The following ZNF75A variants were observed in gnomAD, a reference collection of about 807,000 sequenced individuals.
The protein encoded by ZNF75A is zinc finger protein 75A.
ZNF75A carries 36 observed loss-of-function variants against 46.3 expected under a neutral mutation model. The observed-to-expected ratio is 0.78, with a 90% CI of 0.60 to 1.03. The LOEUF is 1.03. Among genes scored for constraint, ZNF75A ranks in the 50% least tolerant of loss-of-function variants. The pLI is 0.00. For missense variants in ZNF75A, 595 were observed against 551.3 expected (o/e 1.08, Z -0.79); for synonymous variants, 234 against 189.9 (o/e 1.23, Z -1.91).
intron 5 of ZNF75A, 51 bp from the exon 6 acceptor site, chr16:3,316,861 C>A: frequency 8.1e-7 from 1 of 1,234,414 alleles, no homozygotes; most frequent in Non-Finnish European, 1.2e-6. Context: ...ATTAGTGGAC[C>A]AGTTCACTGT....
chr16:3,312,387 CATTTT>C (rs2150813289), intron 3 of ZNF75A: 1 of 152,288 alleles, frequency 6.6e-6, no homozygotes, highest in East Asian at 1.9e-4. Flanking sequence ...CTGAGTACTT[CATTTT>C]AAGATATCTT....
At chr16:3,319,946 C>G (rs1426297089), downstream of ZNF75A, among the ~76,000 whole-genome samples, 1 of 152,256 alleles carries the variant, frequency 6.6e-6, no homozygotes, top group South Asian at 2.1e-4. Context: ...CCAAGAGTCT[C>G]CAGACCTATA....
Position 3,308,854 on chromosome 16 carries a change from T to C in ZNF75A, c.408+18T>C. 1.0e-6 allele frequency: 1 copy of C among 985,528 alleles called. No homozygotes were observed. Among genetic ancestry groups the C allele is most frequent in the Non-Finnish European group, 1.2e-6 (1 of 829,762 alleles). 61.0% of individuals were successfully genotyped at this position (985,528 alleles called of 1,614,324 possible). A position where few individuals can be genotyped will look rare whatever the true frequency, so the allele number is the denominator to read the frequency against. On this transcript the variant is annotated intron_variant, in intron 2 of 6. Transcript: ENST00000669516. ...GGAATGGGGTGAGAAGAAAGATTCC[T>C]GACATGTACAGTGAAATAGGATGCA...
At chr16:3,320,655 G>A (rs1484094007), downstream of ZNF75A, among the ~76,000 whole-genome samples, 6 of 152,136 alleles carry the variant, frequency 3.9e-5, no homozygotes, top group African/African-American at 7.2e-5. Context: ...GTCTCCCTGC[G>A]CGTTGCCTCA....
chr16:3,319,782 C>A (rs1190480076), downstream of ZNF75A, among the ~76,000 whole-genome samples: 1 of 117,792 alleles, frequency 8.5e-6, no homozygotes, highest in Non-Finnish European at 1.8e-5. Context: ...TGAAGCTTTT[C>A]ATTTTTTTTT....
At chr16:3,312,521 G>A (rs182052837) in intron 3 of ZNF75A, among the ~76,000 whole-genome samples, 156 bp from the exon 4 acceptor site, 27 of 152,268 alleles carry the variant, frequency 1.8e-4, no homozygotes, top group Admixed American at 1.2e-3. Context: ...GTGGATATTT[G>A]ATTCTTATTT....
rs531717544 is a variant in ZNF75A at position 3,310,186 on chromosome 16, G to A, written c.408+1350G>A. On this transcript the variant is annotated intron_variant, in intron 2 of 6. Transcript: ENST00000669516. ...TGAGGCGGGCGGATCACAAGGTCAG[G>A]AGTTCAAAACCAGCCTGACCAACAT... 5.9e-5 allele frequency among the ~76,000 whole-genome samples: 9 copies of A among 152,184 alleles called. No individual in the cohort carries two copies. In the South Asian group the frequency reaches 1.9e-3, roughly 32 times the overall value.
At position 3,308,457 on chromosome 16, in the gene ZNF75A, C is replaced by T. The variant is rs1428863413; in HGVS notation, c.29C>T (p.Ala10Val). The T allele has an allele frequency of 6.3e-5, 62 of 985,702 alleles. No homozygotes were observed. The highest frequency in any genetic ancestry group is 5.2e-4 in the Middle Eastern group (1 of 1,936). The allele number at this position is 985,702 out of a possible 1,614,324, so 61.1% of individuals were successfully genotyped here. A position where few individuals can be genotyped will look rare whatever the true frequency, so the allele number is the denominator to read the frequency against. Residue 10 changes from alanine (A) to valine (V), a missense_variant, in exon 2 of 7, where the codon GCG (alanine) becomes GTG (valine). Ala to Val is a moderately conservative substitution (Grantham distance 64). Transcript: ENST00000669516. ...ATGATGGTAGATCTGAAAGTGGCTG[C>T]GTACTTGGACCCTCAGATCAGGGCT... is the stretch of plus-strand genomic sequence containing the variant. MMMVDLKVA[A>V]YLDPQIRALW... is the part of the protein sequence containing the mutation.
At chr16:3,310,121 C>T (rs373544900) in intron 2 of ZNF75A, among the ~76,000 whole-genome samples, 4 of 151,670 alleles carry the variant, frequency 2.6e-5, no homozygotes, top group Admixed American at 1.3e-4. Context: ...TTAGGCCAGG[C>T]GTGGTGGCTC....
chr16:3,314,013 TAA>T (rs1369575626), intron 5 of ZNF75A, among the ~76,000 whole-genome samples: 1 of 152,170 alleles, frequency 6.6e-6, no homozygotes, highest in Non-Finnish European at 1.5e-5. Context: ...TGAGTACATC[TAA>T]GTTTTGCTCA....
At chr16:3,322,604 C>T (rs1261216035), downstream of ZNF75A, among the ~76,000 whole-genome samples, 1 of 152,164 alleles carries the variant, frequency 6.6e-6, no homozygotes, top group East Asian at 1.9e-4. Context: ...TCATTTCTGC[C>T]ACAGTTCAGA....
intron 2 of ZNF75A, chr16:3,310,993 C>T (rs1960731808): frequency 1.0e-6 from 1 of 977,250 alleles, no homozygotes; most frequent in Non-Finnish European, 1.2e-6. Flanking sequence ...TCCCCATTCT[C>T]TGAAAACCTT....
chr16:3,316,891 C>A, intron 5 of ZNF75A, 21 bp from the exon 6 acceptor site: 1 of 1,566,578 alleles, frequency 6.4e-7, no homozygotes, highest in Non-Finnish European at 8.8e-7. Context: ...AGTCCTTGAC[C>A]TCATTTTGTC....
downstream of ZNF75A, chr16:3,318,870 A>T (rs765421071): frequency 1.1e-5 from 11 of 980,588 alleles, no homozygotes; most frequent in Non-Finnish European, 1.3e-5. Context: ...TTGGGCGAGG[A>T]TGAGCAAATC....
Position 3,308,563 on chromosome 16 carries a change from G to A in ZNF75A, c.135G>A (p.Lys45=). Residue 45 remains lysine (K), a synonymous_variant, in exon 2 of 7, where the codon AAG becomes AAA. Transcript: ENST00000669516. ...CTCAAATGGACTGTCTCGATCCTAA[G>A]AGCTCTTGCTGGCACTTCCGGAATT... ...KSPQMDCLDP[K]SSCWHFRNFT... 1 of 985,964 alleles carries A rather than the reference G, an allele frequency of 1.0e-6. No individual in the cohort carries two copies. Among genetic ancestry groups the A allele is most frequent in the African/African-American group, 1.7e-5 (1 of 57,382 alleles). The allele number at this position is 985,964 out of a possible 1,614,324, so 61.1% of individuals were successfully genotyped here.
At chr16:3,317,053 G>T (rs372020253) in intron 6 of ZNF75A, 31 bp downstream of exon 6, 5 of 1,585,274 alleles carry the variant, frequency 3.2e-6, no homozygotes, top group Admixed American at 1.8e-5. Flanking sequence ...GGAGAAATGT[G>T]CCTTGATGTG....
At chr16:3,320,708 G>A (rs1318809111), downstream of ZNF75A, among the ~76,000 whole-genome samples, 2 of 152,190 alleles carry the variant, frequency 1.3e-5, no homozygotes, top group Non-Finnish European at 2.9e-5. Context: ...GCTATGGTGG[G>A]GGTTAGGGGG....
At chr16:3,310,626 C>A (rs903476203) in intron 2 of ZNF75A, 30 of 976,262 alleles carry the variant, frequency 3.1e-5, no homozygotes, top group Non-Finnish European at 3.4e-5. Context: ...ACCCCCGTCT[C>A]AAAACAAAAC....
downstream of ZNF75A, among the ~76,000 whole-genome samples, chr16:3,321,663 C>T (rs1014478455): frequency 4.6e-5 from 7 of 152,000 alleles, no homozygotes; most frequent in Non-Finnish European, 1.0e-4. Context: ...GAGATGAGGT[C>T]TTGCTATGTT....
Sources: allele counts gnomAD v4.1 joint callset (sites outside exome capture counted in the v4.1 genomes callset), GRCh38; gene constraint gnomAD v4.1.1; transcripts MANE v1.5; gene names NCBI Gene and HGNC (gene_info 2026-07-23, HGNC 2026-07-21).